Variants in GOLM2 observed in about 807,000 individuals in gnomAD.
GOLM2 encodes the protein golgi membrane protein 2.
GOLM2 carries 26 observed loss-of-function variants against 55.9 expected under a neutral mutation model. That is an observed-to-expected ratio of 0.47 (90% CI 0.34 to 0.65). GOLM2 has a LOEUF of 0.65. Among genes scored for constraint, GOLM2 ranks in the 30% least tolerant of loss-of-function variants. The pLI is 0.01. For missense variants in GOLM2, 486 were observed against 531.8 expected (o/e 0.91, Z 0.85); for synonymous variants, 165 against 194.6 (o/e 0.85, Z 1.27).
chr15:44,294,191 T>C (rs2078740266), intron 1 of GOLM2, among the ~76,000 whole-genome samples: 2 of 152,298 alleles, frequency 1.3e-5, no homozygotes, highest in Middle Eastern at 3.4e-3. Context: ...TTTTAGATGC[T>C]CTAGGCCTAT....
chr15:44,389,017 C>G (rs570407514), intron 8 of GOLM2, among the ~76,000 whole-genome samples: 141 of 152,002 alleles, frequency 9.3e-4, no homozygotes, highest in African/African-American at 3.3e-3. Flanking sequence ...CGGGGTTTCA[C>G]TATGTTAGCC....
chr15:44,337,086 A>T lies in GOLM2; in HGVS notation c.577-677A>T, dbSNP rs188703542. 5.9e-5 allele frequency among the ~76,000 whole-genome samples: 9 copies of T among 152,260 alleles called. No homozygotes were observed. In the East Asian group the frequency reaches 1.7e-3, roughly 29 times the overall value. On this transcript the variant is annotated intron_variant, in intron 4 of 9. Coordinates refer to ENST00000299957, the MANE Select transcript of GOLM2 (RefSeq NM_138423.4). ...TTGACTAGAGGAACCTGTATATGGC[A>T]TCCCAAGCTTGTGTACTTGAATCCT... is the stretch of plus-strand genomic sequence containing the variant.
chr15:44,347,299 T>C (rs1368938824), intron 6 of GOLM2, among the ~76,000 whole-genome samples: 2 of 152,154 alleles, frequency 1.3e-5, no homozygotes, highest in African/African-American at 4.8e-5. Context: ...TTTAACTTAA[T>C]ATTGTTAAAA....
At chr15:44,298,100 A>T (rs2078770521) in intron 1 of GOLM2, among the ~76,000 whole-genome samples, 1 of 150,498 alleles carries the variant, frequency 6.6e-6, no homozygotes, top group Non-Finnish European at 1.5e-5. Context: ...CGAACTCCTG[A>T]CCTTGTGAAC....
chr15:44,299,674 C>T (rs1393375029), intron 1 of GOLM2, among the ~76,000 whole-genome samples: 1 of 152,032 alleles, frequency 6.6e-6, no homozygotes, highest in Non-Finnish European at 1.5e-5. Flanking sequence ...TATGTTACCT[C>T]TCCTTAAGCC....
chr15:44,325,142 A>C (rs894646453), intron 2 of GOLM2, among the ~76,000 whole-genome samples: 3 of 152,154 alleles, frequency 2.0e-5, no homozygotes, highest in African/African-American at 4.8e-5. Context: ...TATTAAGCCT[A>C]GTATCCATCA....
intron 1 of GOLM2, among the ~76,000 whole-genome samples, chr15:44,317,449 G>A (rs1454058699): frequency 1.3e-5 from 2 of 152,152 alleles, no homozygotes; most frequent in African/African-American, 4.8e-5. Context: ...GTTCTTGGAA[G>A]GGCAACAAGT....
chr15:44,386,875 A>G (rs1437296355), intron 8 of GOLM2, among the ~76,000 whole-genome samples: 5 of 151,294 alleles, frequency 3.3e-5, no homozygotes, highest in South Asian at 2.1e-4. Flanking sequence ...GTCTCTGAAA[A>G]AATAAAATTA....
chr15:44,403,362 A>G (rs1187976934), intron 9 of GOLM2, among the ~76,000 whole-genome samples: 1 of 151,896 alleles, frequency 6.6e-6, no homozygotes, highest in Non-Finnish European at 1.5e-5. Context: ...GGGTTTCTCC[A>G]TGTTGGTCAG....
Position 44,395,491 on chromosome 15 carries a change from T to C in GOLM2, c.1073-7396T>C, listed in dbSNP as rs566907795. Among the ~76,000 whole-genome samples the C allele has an allele frequency of 1.3e-4, 20 of 152,094 alleles. No individual in the cohort carries two copies. In the South Asian group the frequency reaches 3.5e-3, roughly 27 times the overall value. On this transcript the variant is annotated intron_variant, in intron 8 of 9. Transcript: ENST00000299957. ...GTGATTAAGAAATGTTATTCTCTTA[T>C]TTTCTACTGGTTTTTTTTTTTGAAC...
intron 6 of GOLM2, among the ~76,000 whole-genome samples, chr15:44,342,729 C>G (rs551296352): frequency 6.6e-6 from 1 of 152,308 alleles, no homozygotes; most frequent in South Asian, 2.1e-4. Flanking sequence ...CATTCGGATG[C>G]AAACACGAAG....
intron 1 of GOLM2, among the ~76,000 whole-genome samples, chr15:44,296,765 T>G (rs2078759412): frequency 6.6e-6 from 1 of 152,192 alleles, no homozygotes; most frequent in Non-Finnish European, 1.5e-5. Context: ...TTTTGTTATT[T>G]GCTTGTTTTC....
chr15:44,385,667 C>T (rs998772682), intron 8 of GOLM2, among the ~76,000 whole-genome samples: 2 of 152,092 alleles, frequency 1.3e-5, no homozygotes, highest in Non-Finnish European at 2.9e-5. Context: ...CTGCCTCAGC[C>T]TCAGTAGTAG....
At position 44,337,833 on chromosome 15, in the gene GOLM2, A is replaced by T; in HGVS notation, c.647A>T (p.Asn216Ile). The change falls in exon 5 of 10, where the codon AAT becomes ATT. Residue 216 changes from asparagine to isoleucine, a missense_variant. Coordinates refer to ENST00000299957, the MANE Select transcript of GOLM2 (RefSeq NM_138423.4). ...LDINNQVVPK[N>I]IPKVAENVAD... is the part of the protein sequence containing the mutation. ...ATAAACAATCAAGTAGTACCTAAAA[A>T]TATTCCAAAAGTAGCTGAGAATGTT... is the stretch of plus-strand genomic sequence containing the variant. 1 of 1,606,066 alleles carries T rather than the reference A, an allele frequency of 6.2e-7. No homozygotes were observed. Among genetic ancestry groups the T allele is most frequent in the South Asian group, 1.1e-5 (1 of 88,680 alleles).
At chr15:44,299,165 C>G (rs1232596004) in intron 1 of GOLM2, among the ~76,000 whole-genome samples, 9 of 152,202 alleles carry the variant, frequency 5.9e-5, no homozygotes, top group Non-Finnish European at 1.5e-5. Flanking sequence ...AAACCATCCT[C>G]TAGCACTGTG....
intron 6 of GOLM2, chr15:44,354,757 C>CT (rs2141164437): frequency 5.0e-6 from 1 of 199,554 alleles, no homozygotes; most frequent in African/African-American, 2.3e-5. Flanking sequence ...AACTGGGCTG[C>CT]TTTTAACTCT....
At chr15:44,355,839 G>T (rs2079194542) in intron 6 of GOLM2, 1 of 152,940 alleles carries the variant, frequency 6.5e-6, no homozygotes, top group Non-Finnish European at 1.5e-5. Flanking sequence ...CCTGAAGAAT[G>T]GGAGGGGTCT....
intron 6 of GOLM2, among the ~76,000 whole-genome samples, chr15:44,349,776 A>G (rs1475057488): frequency 6.6e-6 from 1 of 152,214 alleles, no homozygotes; most frequent in Non-Finnish European, 1.5e-5. Context: ...CAAAAAATTG[A>G]CGTTATATCA....
At chr15:44,341,079 CTTTTTTT>C (rs533432768) in intron 6 of GOLM2, among the ~76,000 whole-genome samples, 1 of 132,240 alleles carries the variant, frequency 7.6e-6, no homozygotes, top group Non-Finnish European at 1.6e-5. Flanking sequence ...ATACTTTTCT[CTTTTTTT>C]TTTTTTTTTT....
Sources: gnomAD v4.1 joint callset for allele counts (sites outside exome capture counted in the v4.1 genomes callset) on GRCh38, gnomAD v4.1.1 for gene constraint, MANE v1.5 for transcripts, NCBI Gene and HGNC (gene_info 2026-07-23, HGNC 2026-07-21) for gene names.